DLD: variants seen among roughly 807,000 people sequenced by gnomAD.
The protein encoded by DLD is dihydrolipoyl dehydrogenase, mitochondrial.
DLD carries 36 observed loss-of-function variants against 62.2 expected under a neutral mutation model. That is an observed-to-expected ratio of 0.58 (90% confidence interval 0.44 to 0.76). The LOEUF (loss-of-function observed/expected upper bound fraction) is 0.76, where lower values mean the gene tolerates loss of function less well. Among genes scored for constraint, DLD ranks in the 30% least tolerant of loss-of-function variants. The pLI is 0.00. For synonymous variants in DLD, 204 were observed against 199.6 expected, an observed-to-expected ratio of 1.02 and a Z score of -0.19; for missense variants, 541 against 608.6, an observed-to-expected ratio of 0.89 and a Z score of 1.17.
At chr7:107,914,318 C>G (rs538949561) in intron 8 of DLD, among the ~76,000 whole-genome samples, 39 of 151,924 alleles carry the variant, frequency 2.6e-4, no homozygotes, top group African/African-American at 8.7e-4. Context: ...ATTTTTTTCC[C>G]CAGTCTGTGG....
chr7:107,896,930 G>T (rs1032445523), intron 2 of DLD, among the ~76,000 whole-genome samples: 6 of 151,862 alleles, frequency 4.0e-5, no homozygotes, highest in African/African-American at 1.5e-4. Flanking sequence ...CCACCTCCCG[G>T]GTTCAAGTGA....
intron 4 of DLD, 150 bp downstream of exon 4, chr7:107,902,543 AAC>A: frequency 1.3e-6 from 1 of 762,798 alleles, no homozygotes; most frequent in Admixed American, 2.1e-5. Context: ...AATGATAAAA[AAC>A]ACACTTCTCT....
rs2031558507 is a variant in DLD at position 107,891,195 on chromosome 7, G to A, written c.-56G>A. Reference sequence around the variant, plus strand: ...AGGGAGGGGAGACCTTGGCGGAGCGGCGGAGGCGCCCAGCGGAGGTGAAAG... The same window carrying A: ...AGGGAGGGGAGACCTTGGCGGAGCGACGGAGGCGCCCAGCGGAGGTGAAAG... On this transcript the variant is annotated 5_prime_UTR_variant, in exon 1 of 14. Transcript: ENST00000205402. 1.2e-6 allele frequency: 2 copies of A among 1,608,042 alleles called. No individual in the cohort carries two copies. Among genetic ancestry groups the A allele is most frequent in the Middle Eastern group, 1.7e-4 (1 of 6,052 alleles).
intron 8 of DLD, among the ~76,000 whole-genome samples, chr7:107,911,133 C>T (rs2032130016): frequency 1.3e-5 from 2 of 152,138 alleles, no homozygotes; most frequent in Non-Finnish European, 1.5e-5. Context: ...ACTTGCTACC[C>T]ATTAGCAGTC....
intron 8 of DLD, among the ~76,000 whole-genome samples, 195 bp from the exon 9 acceptor site, chr7:107,915,311 A>G (rs987836818): frequency 4.6e-5 from 7 of 152,232 alleles, no homozygotes; most frequent in African/African-American, 7.2e-5. Context: ...ATGTTCAACA[A>G]ATGTTGAATG....
In DLD at chr7:107,893,260, A is replaced by G. The variant is rs138002793; in HGVS notation, c.100A>G (p.Thr34Ala). The change falls in exon 2 of 14, where the codon ACT becomes GCT. Residue 34 changes from threonine (T) to alanine (A), a missense_variant. Coordinates refer to ENST00000205402, the MANE Select transcript of DLD (RefSeq NM_000108.5). ...LQGLSAVPLRTYADQPIDADV... is the reference protein window; with the variant it reads ...LQGLSAVPLRAYADQPIDADV... ...GGGACTTTCTGCAGTGCCTCTGAGAACTTACGCAGATCAGCCGAGTAAGTA... is the reference window on the plus strand; with the variant it reads ...GGGACTTTCTGCAGTGCCTCTGAGAGCTTACGCAGATCAGCCGAGTAAGTA... The G allele has an allele frequency of 8.6e-4, 1,390 of 1,613,326 alleles. No homozygotes were observed. The highest frequency in any genetic ancestry group is 1.2e-3 in the Middle Eastern group (7 of 6,058).
intron 6 of DLD, 128 bp from the exon 7 acceptor site, chr7:107,905,233 G>C (rs1301867001): frequency 2.7e-6 from 3 of 1,101,124 alleles, no homozygotes; most frequent in Non-Finnish European, 4.0e-6. Context: ...CTGCACCATG[G>C]TGTAGCATTA....
At chr7:107,899,236 T>G (rs565019461) in intron 2 of DLD, among the ~76,000 whole-genome samples, 4 of 151,758 alleles carry the variant, frequency 2.6e-5, no homozygotes, top group African/African-American at 9.7e-5. Context: ...AGTTGACAGA[T>G]CTTTACATAA....
chr7:107,916,756 G>A (rs774505108), intron 9 of DLD, 38 bp from the exon 10 acceptor site: 1 of 1,571,388 alleles, frequency 6.4e-7, no homozygotes, highest in Non-Finnish European at 8.8e-7. Context: ...AATTTATGTA[G>A]GTGTGTATTT....
intron 8 of DLD, 88 bp downstream of exon 8, chr7:107,906,456 A>T (rs2116226484): frequency 1.2e-6 from 1 of 820,850 alleles, no homozygotes; most frequent in Non-Finnish European, 2.1e-6. Context: ...ATAACATTAC[A>T]GGCTGATCAG....
intron 1 of DLD, among the ~76,000 whole-genome samples, chr7:107,892,145 A>G (rs1227390367): frequency 2.6e-5 from 4 of 152,174 alleles, no homozygotes; most frequent in Non-Finnish European, 4.4e-5. Context: ...AAATGTTAAG[A>G]GTTGCCTTGG....
Position 107,905,621 on chromosome 7 carries a change from T to C in DLD, c.582+117T>C, listed in dbSNP as rs1016038560. 6 of 1,163,958 alleles carry C rather than the reference T, an allele frequency of 5.2e-6. No individual in the cohort carries two copies. In the East Asian group the frequency reaches 1.4e-4, roughly 28 times the overall value. 72.1% of individuals were successfully genotyped at this position (1,163,958 alleles called of 1,614,324 possible). A position where few individuals can be genotyped will look rare whatever the true frequency, so the allele number is the denominator to read the frequency against. On this transcript the variant is annotated intron_variant, in intron 7 of 13. Coordinates refer to ENST00000205402, the MANE Select transcript of DLD (RefSeq NM_000108.5). ...TTCTGACTGAAATACTATATTTTGA[T>C]GGTCATTCAGCTTTGGGAAGTTACC...
intron 2 of DLD, chr7:107,893,536 G>C (rs1180961354): frequency 3.4e-6 from 1 of 295,192 alleles, no homozygotes; most frequent in Non-Finnish European, 6.3e-6. Flanking sequence ...AATATTTTGG[G>C]AAGTAACTGA....
At chr7:107,894,496 TA>T (rs34056790) in intron 2 of DLD, among the ~76,000 whole-genome samples, 9 of 152,202 alleles carry the variant, frequency 5.9e-5, no homozygotes, top group Admixed American at 6.5e-5. Flanking sequence ...GAAATCCTTT[TA>T]AAAAAATGCT....
chr7:107,910,927 A>C (rs982380986), intron 8 of DLD, among the ~76,000 whole-genome samples: 2 of 152,124 alleles, frequency 1.3e-5, no homozygotes, highest in African/African-American at 4.8e-5. Context: ...TTTCCCCTCT[A>C]TTTACTTCTA....
intron 8 of DLD, among the ~76,000 whole-genome samples, chr7:107,910,548 C>A (rs2032115417): frequency 6.6e-6 from 1 of 152,070 alleles, no homozygotes; most frequent in Non-Finnish European, 1.5e-5. Context: ...TTCTTCCATT[C>A]CAGTTTAGTG....
At chr7:107,912,986 G>GA (rs2032180923) in intron 8 of DLD, among the ~76,000 whole-genome samples, 1 of 152,126 alleles carries the variant, frequency 6.6e-6, no homozygotes, top group Non-Finnish European at 1.5e-5. Flanking sequence ...TATGGTAAGA[G>GA]ATAGGGGTCT....
chr7:107,910,036 T>C (rs2032103010), intron 8 of DLD, among the ~76,000 whole-genome samples: 1 of 151,900 alleles, frequency 6.6e-6, no homozygotes, highest in Non-Finnish European at 1.5e-5. Flanking sequence ...TTTGTATTTT[T>C]AGTAGGGACG....
chr7:107,893,378 T>G, intron 2 of DLD, 100 bp downstream of exon 2: 1 of 854,396 alleles, frequency 1.2e-6, no homozygotes, highest in Non-Finnish European at 1.8e-6. Flanking sequence ...TTATGTTAAG[T>G]GTCTTATAGT....
Sources: allele counts gnomAD v4.1 joint callset (sites outside exome capture counted in the v4.1 genomes callset), GRCh38; gene constraint gnomAD v4.1.1; transcripts MANE v1.5; gene names NCBI Gene and HGNC (gene_info 2026-07-23, HGNC 2026-07-21).